Variants in NR4A1 observed in about 807,000 individuals in gnomAD.
NR4A1 encodes the protein nuclear receptor subfamily 4immunitygroup A member 1.
A neutral mutation model predicts 47.5 loss-of-function variants in NR4A1; 24 were observed. The observed-to-expected ratio is 0.50, with a 90% CI of 0.37 to 0.71. NR4A1 has a LOEUF of 0.71. Among genes scored for constraint, NR4A1 ranks in the 30% least tolerant of loss-of-function variants. The pLI is 0.00. For synonymous variants in NR4A1, 353 were observed against 345.7 expected, an observed-to-expected ratio of 1.02 and a Z score of -0.24; for missense variants, 669 against 788.6, an observed-to-expected ratio of 0.85 and a Z score of 1.82.
chr12:52,055,356 G>A, intron 2 of NR4A1, 152 bp downstream of exon 2: 1 of 947,012 alleles, frequency 1.1e-6, no homozygotes, highest in Non-Finnish European at 1.6e-6. Context: ...CCGCCTTCCT[G>A]GAGACCCGTA....
In NR4A1 at chr12:52,055,147, C is replaced by T. The variant is rs1312157053; in HGVS notation, c.819C>T (p.Asn273=). Residue 273 remains asparagine (N), a synonymous_variant, in exon 2 of 7, where the codon AAC becomes AAT. Coordinates refer to ENST00000394825, the MANE Select transcript of NR4A1 (RefSeq NM_173157.3). ...SEGRCAVCGD[N]ASCQHYGVRT... ...GCCGCTGTGCTGTGTGTGGGGACAA[C>T]GCTTCATGCCAGCATTATGGTGTCC... The T allele has an allele frequency of 8.7e-6, 14 of 1,613,918 alleles. No individual in the cohort carries two copies. Among genetic ancestry groups the T allele is most frequent in the East Asian group, 4.5e-5 (2 of 44,894 alleles).
intron 1 of NR4A1, among the ~76,000 whole-genome samples, chr12:52,053,130 CAG>C (rs892706325): frequency 6.6e-6 from 1 of 152,136 alleles, no homozygotes; most frequent in African/African-American, 2.4e-5. Flanking sequence ...CTGGTGAGGC[CAG>C]AGTTACGCAG....
upstream of NR4A1, among the ~76,000 whole-genome samples, chr12:52,048,323 A>G (rs533160313): frequency 5.8e-4 from 87 of 149,494 alleles, no homozygotes; most frequent in Middle Eastern, 3.6e-3. Context: ...GGCCGGGTAC[A>G]GTGGCTCATG....
chr12:52,046,191 ATTCCAC>A (rs1938628411), intron 2 of NR4A1, among the ~76,000 whole-genome samples: 1 of 152,146 alleles, frequency 6.6e-6, no homozygotes. Flanking sequence ...GGGCTGTGTA[ATTCCAC>A]TTCCTTCATC....
chr12:52,048,213 T>C (rs1385728659), upstream of NR4A1, among the ~76,000 whole-genome samples: 1 of 151,918 alleles, frequency 6.6e-6, no homozygotes, highest in Non-Finnish European at 1.5e-5. Flanking sequence ...GAGCACAGAC[T>C]GGTCAAGCCA....
In NR4A1 at chr12:52,059,191, T is replaced by C. The variant is rs1939433440; in HGVS notation, c.*247T>C. On this transcript the variant is annotated 3_prime_UTR_variant, in exon 7 of 7. Coordinates refer to ENST00000394825, the MANE Select transcript of NR4A1 (RefSeq NM_173157.3). ...CCCGGCCTTTATGTTTTTTGTAAGA[T>C]AAACCGTTTTTAACACATAGCGCCG... 1 of 546,148 alleles carries C rather than the reference T, an allele frequency of 1.8e-6. No homozygotes were observed. Among genetic ancestry groups the C allele is most frequent in the Admixed American group, 3.6e-5 (1 of 27,758 alleles). 33.8% of individuals were successfully genotyped at this position (546,148 alleles called of 1,614,324 possible). A position where few individuals can be genotyped will look rare whatever the true frequency, so the allele number is the denominator to read the frequency against.
intron 5 of NR4A1, 23 bp downstream of exon 5, chr12:52,057,282 C>T: frequency 1.2e-6 from 2 of 1,613,440 alleles, no homozygotes; most frequent in Non-Finnish European, 8.5e-7. Flanking sequence ...GACTGTCTGC[C>T]CAGCCCCTTT....
In NR4A1 at chr12:52,054,403, C is replaced by T. The variant is rs772959748; in HGVS notation, c.75C>T (p.Pro25=). The T allele has an allele frequency of 3.7e-6, 6 of 1,613,694 alleles. No homozygotes were observed. In the African/African-American group the frequency reaches 5.3e-5, roughly 14 times the overall value. Residue 25 remains proline (P), a synonymous_variant, in exon 2 of 7, where the codon CCC becomes CCT. Coordinates refer to ENST00000394825, the MANE Select transcript of NR4A1 (RefSeq NM_173157.3). ...PGPRDHLASD[P]LTPEFIKPTM... ...CCCGTGACCACCTGGCAAGCGACCC[C>T]CTGACCCCTGAGTTCATCAAGCCCA...
At chr12:52,057,297 G>C (rs1214486996) in intron 5 of NR4A1, 38 bp downstream of exon 5, 7 of 1,613,630 alleles carry the variant, frequency 4.3e-6, no homozygotes, top group Admixed American at 1.7e-5. Context: ...CCCTTTCCCT[G>C]ATACACCTGC....
chr12:52,038,628 T>C (rs1938328176), intron 1 of NR4A1: 4 of 713,308 alleles, frequency 5.6e-6, no homozygotes, highest in Non-Finnish European at 1.0e-5. Flanking sequence ...CTACTCCAAG[T>C]GAACATTTAA....
intron 1 of NR4A1, among the ~76,000 whole-genome samples, chr12:52,025,063 CTTTTT>C (rs532559170): frequency 9.1e-5 from 12 of 132,190 alleles, no homozygotes; most frequent in Non-Finnish European, 1.9e-4. Context: ...CTCACTGCTG[CTTTTT>C]TTTTTTTTTT....
At position 52,024,754 on chromosome 12, in the gene NR4A1, G is replaced by A. The variant is rs1189949580; in HGVS notation, c.-84+1815G>A. Among the ~76,000 whole-genome samples the A allele has an allele frequency of 2.0e-5, 3 of 152,152 alleles. No individual in the cohort carries two copies. The East Asian group carries it at 5.8e-4, about 29-fold the overall frequency. On this transcript the variant is annotated intron_variant, in intron 1 of 7. Transcript: ENST00000360284. ...AGAAAACAAAAAACCAAAAAGAAAA[G>A]AAACAACCAAAAAACTAGAGTCAGA...
chr12:52,036,046 A>T (rs555512327), intron 1 of NR4A1, among the ~76,000 whole-genome samples: 1 of 152,286 alleles, frequency 6.6e-6, no homozygotes, highest in South Asian at 2.1e-4. Context: ...GTGTTCCCCA[A>T]TGACCTTGCC....
At chr12:52,029,694 C>CAAAAACAAAAA (rs1243849877) in intron 1 of NR4A1, among the ~76,000 whole-genome samples, 1 of 151,964 alleles carries the variant, frequency 6.6e-6, no homozygotes, top group Non-Finnish European at 1.5e-5. Flanking sequence ...TCTCAAAAAA[C>CAAAAACAAAAA]AAAAACCACA....
At chr12:52,045,700 AT>A in intron 2 of NR4A1, 1 of 310,078 alleles carries the variant, frequency 3.2e-6, no homozygotes, top group Non-Finnish European at 6.7e-6. Context: ...GCTCTTCCAT[AT>A]TTCGCCCCTG....
chr12:52,035,642 C>T (rs1245981849), intron 1 of NR4A1, among the ~76,000 whole-genome samples: 1 of 152,160 alleles, frequency 6.6e-6, no homozygotes, highest in Non-Finnish European at 1.5e-5. Flanking sequence ...TCTTTATCTG[C>T]AAATTGACCT....
At position 52,054,674 on chromosome 12, in the gene NR4A1, C is replaced by T. The variant is rs1939157879; in HGVS notation, c.346C>T (p.Leu116=). Residue 116 remains leucine (L), a synonymous_variant, in exon 2 of 7, where the codon CTG becomes TTG. Coordinates refer to ENST00000394825, the MANE Select transcript of NR4A1 (RefSeq NM_173157.3). The part of the protein sequence containing the change: ...FQVYGCYPGP[L]SGPVDEALSS... Reference sequence around the variant, plus strand: ...GGTGTACGGCTGCTACCCCGGCCCCCTGAGCGGCCCAGTGGATGAGGCCCT... The same window carrying T: ...GGTGTACGGCTGCTACCCCGGCCCCTTGAGCGGCCCAGTGGATGAGGCCCT... 7 of 1,614,080 alleles carry T rather than the reference C, an allele frequency of 4.3e-6. No individual in the cohort carries two copies. The highest frequency in any genetic ancestry group is 5.9e-6 in the Non-Finnish European group (7 of 1,180,042).
At chr12:52,027,316 C>T (rs1465893008) in intron 1 of NR4A1, among the ~76,000 whole-genome samples, 1 of 152,258 alleles carries the variant, frequency 6.6e-6, no homozygotes, top group Non-Finnish European at 1.5e-5. Flanking sequence ...ACCTGAGGGC[C>T]TGCCAGCAGC....
chr12:52,026,857 G>C (rs889702882), intron 1 of NR4A1, among the ~76,000 whole-genome samples: 1 of 152,138 alleles, frequency 6.6e-6, no homozygotes, highest in Non-Finnish European at 1.5e-5. Context: ...AGGTTCTCTC[G>C]GAGGGCAGCA....
Sources: gnomAD v4.1 joint callset for allele counts (sites outside exome capture counted in the v4.1 genomes callset) on GRCh38, gnomAD v4.1.1 for gene constraint, MANE v1.5 for transcripts, NCBI Gene and HGNC (gene_info 2026-07-23, HGNC 2026-07-21) for gene names.